WDR3: variants seen among roughly 807,000 people sequenced by gnomAD.
The protein encoded by WDR3 is WD repeat domain 3.
In WDR3, 81 loss-of-function variants were observed where a neutral mutation model predicts 123.7. That is an observed-to-expected ratio of 0.65 (90% CI 0.55 to 0.79). The LOEUF (loss-of-function observed/expected upper bound fraction) is 0.79, where lower values mean the gene tolerates loss of function less well. Ranked by LOEUF, WDR3 falls within the 30% of genes least tolerant of loss-of-function variation. The probability of loss-of-function intolerance (pLI) is 0.00; values close to 1 mark genes in which losing one functional copy is unlikely to be tolerated. For synonymous variants in WDR3, 390 were observed against 388.8 expected, an observed-to-expected ratio of 1.00 and a Z score of -0.04; for missense variants, 1,027 against 1,123.2, an observed-to-expected ratio of 0.91 and a Z score of 1.22.
chr1:117,959,268 A>T (rs1335939927), intron 26 of WDR3, 24 bp from the exon 27 acceptor site: 3 of 1,594,526 alleles, frequency 1.9e-6, no homozygotes, highest in Non-Finnish European at 2.6e-6. Flanking sequence ...AAAATTTTTT[A>T]ATATTTCTTG....
intron 22 of WDR3, 38 bp from the exon 23 acceptor site, chr1:117,954,542 A>G (rs773397621): frequency 6.2e-7 from 1 of 1,600,962 alleles, no homozygotes; most frequent in Non-Finnish European, 8.5e-7. Context: ...CCTAAGTCTC[A>G]GTTTTTTTAA....
intron 1 of WDR3, among the ~76,000 whole-genome samples, chr1:117,932,540 A>C (rs1232456473): frequency 6.6e-6 from 1 of 152,118 alleles, no homozygotes; most frequent in Non-Finnish European, 1.5e-5. Context: ...CCATGAGGTT[A>C]GGGATTTTGC....
chr1:117,936,988 C>A, intron 4 of WDR3, 101 bp downstream of exon 4: 1 of 903,134 alleles, frequency 1.1e-6, no homozygotes, highest in Non-Finnish European at 1.7e-6. Flanking sequence ...CATGCTTATG[C>A]ATTAGTTTTC....
intron 22 of WDR3, among the ~76,000 whole-genome samples, 178 bp downstream of exon 22, chr1:117,954,277 T>A (rs1651837693): frequency 6.6e-6 from 1 of 152,088 alleles, no homozygotes; most frequent in African/African-American, 2.4e-5. Flanking sequence ...TTGGTCTTAA[T>A]GAAAGCGAAG....
At chr1:117,948,569 G>C (rs1180207385) in intron 13 of WDR3, 63 bp downstream of exon 13, 1 of 1,275,786 alleles carries the variant, frequency 7.8e-7, no homozygotes, top group South Asian at 1.6e-5. Context: ...TTTCTCTCAG[G>C]GTTTCTTTAA....
intron 10 of WDR3, 57 bp from the exon 11 acceptor site, chr1:117,943,339 G>T: frequency 6.9e-7 from 1 of 1,449,512 alleles, no homozygotes; most frequent in Admixed American, 2.0e-5. Flanking sequence ...CCTGGAAAAA[G>T]TAAACCTTGT....
chr1:117,934,619 C>T lies in WDR3; in HGVS notation c.318C>T (p.His106=). The stretch of plus-strand genomic sequence containing the variant: ...AAGGAAATGTGACCTTCAATGGTCA[C>T]AAAGCAGCTATCACTACCTTGAAGT... ...SGEGNVTFNG[H]KAAITTLKYD... The change falls in exon 3 of 27, where the codon CAC becomes CAT. Residue 106 remains histidine, a synonymous_variant. Coordinates refer to ENST00000349139, the MANE Select transcript of WDR3 (RefSeq NM_006784.3). 6.2e-7 allele frequency: 1 copy of T among 1,614,032 alleles called. No homozygotes were observed. Among genetic ancestry groups the T allele is most frequent in the Non-Finnish European group, 8.5e-7 (1 of 1,180,002 alleles).
chr1:117,943,449 T>C lies in WDR3; in HGVS notation c.1151T>C (p.Leu384Pro). The change falls in exon 11 of 27, where the codon CTG becomes CCG. Residue 384 changes from leucine to proline, a missense_variant. Leu to Pro is a moderately conservative substitution (Grantham distance 98). Coordinates refer to ENST00000349139, the MANE Select transcript of WDR3 (RefSeq NM_006784.3). The stretch of plus-strand genomic sequence containing the variant: ...GGAGAGTTAAAGGCTGTCTTCCTGC[T>C]GCAGAACAACCTGGTGGAATTGTAT... ...PHGELKAVFLLQNNLVELYSL... is the reference protein window; with the variant it reads ...PHGELKAVFLPQNNLVELYSL... The C allele has an allele frequency of 6.2e-7, 1 of 1,614,194 alleles. No individual in the cohort carries two copies.
intron 24 of WDR3, among the ~76,000 whole-genome samples, 157 bp from the exon 25 acceptor site, chr1:117,956,907 CAAAG>C (rs1259013409): frequency 3.3e-5 from 5 of 152,114 alleles, no homozygotes; most frequent in Admixed American, 1.3e-4. Flanking sequence ...ATACAAAAAA[CAAAG>C]AGAGTCATCT....
chr1:117,939,657 C>A, intron 6 of WDR3, 85 bp downstream of exon 6: 1 of 1,311,814 alleles, frequency 7.6e-7, no homozygotes, highest in Non-Finnish European at 1.1e-6. Context: ...TTATTCAGTA[C>A]TTCACATCAT....
chr1:117,956,865 C>T (rs1652275522), intron 24 of WDR3, among the ~76,000 whole-genome samples: 1 of 151,968 alleles, frequency 6.6e-6, no homozygotes, highest in Non-Finnish European at 1.5e-5. Flanking sequence ...TGCCATTGAC[C>T]AAAATGCATT....
In WDR3 at chr1:117,950,071, C is replaced by G. The variant is rs780777873; in HGVS notation, c.1687C>G (p.Leu563Val). Residue 563 changes from leucine to valine, a missense_variant, in exon 15 of 27, where the codon CTA (leucine) becomes GTA (valine). Transcript: ENST00000349139. Reference protein sequence around the residue: ...LCVSYSPNQKLLAVSLLDCTV... With the variant: ...LCVSYSPNQKVLAVSLLDCTV... Reference sequence around the variant, plus strand: ...TGTCAGTTACTCTCCCAATCAAAAGCTATTGGCTGTGTCTTTGCTGGACTG... The same window carrying G: ...TGTCAGTTACTCTCCCAATCAAAAGGTATTGGCTGTGTCTTTGCTGGACTG... The G allele has an allele frequency of 1.9e-6, 3 of 1,613,794 alleles. No homozygotes were observed. The highest frequency in any genetic ancestry group is 2.5e-6 in the Non-Finnish European group (3 of 1,179,898).
Position 117,952,571 on chromosome 1 carries a change from G to C in WDR3, c.2060G>C (p.Gly687Ala), listed in dbSNP as rs1224428076. The C allele has an allele frequency of 6.2e-6, 10 of 1,613,424 alleles. No homozygotes were observed. Among genetic ancestry groups the C allele is most frequent in the Non-Finnish European group, 8.5e-6 (10 of 1,179,658 alleles). ...EIWCLAVSPS[G>A]DYVVSSSHDK... The stretch of plus-strand genomic sequence containing the variant: ...TGGTGTTTGGCTGTAAGCCCCAGTG[G>C]AGACTATGTTGTATCATCGTCCCAT... Residue 687 changes from glycine (G) to alanine (A), a missense_variant, in exon 19 of 27, where the codon GGA (glycine) becomes GCA (alanine). Physicochemically the swap from Gly to Ala is moderately conservative, Grantham distance 60. Coordinates refer to ENST00000349139, the MANE Select transcript of WDR3 (RefSeq NM_006784.3).
At chr1:117,943,241 C>T (rs562935040) in intron 10 of WDR3, among the ~76,000 whole-genome samples, 155 bp from the exon 11 acceptor site, 29 of 152,322 alleles carry the variant, frequency 1.9e-4, no homozygotes, top group Non-Finnish European at 4.0e-4. Flanking sequence ...GCGTGAGCCA[C>T]TGCACCCAGC....
At chr1:117,939,933 G>T (rs564718411) in intron 6 of WDR3, among the ~76,000 whole-genome samples, 20 of 152,258 alleles carry the variant, frequency 1.3e-4, no homozygotes, top group African/African-American at 4.6e-4. Flanking sequence ...ATTCTGAAAA[G>T]ATCTATAACT....
Position 117,952,596 on chromosome 1 carries a change from T to C in WDR3, c.2085T>C (p.His695=), listed in dbSNP as rs746913750. The C allele has an allele frequency of 1.2e-6, 2 of 1,613,676 alleles. No homozygotes were observed. The highest frequency in any genetic ancestry group is 3.3e-5 in the Admixed American group (2 of 60,006). ...PSGDYVVSSS[H]DKSLRLWERT... The stretch of plus-strand genomic sequence containing the variant: ...GAGACTATGTTGTATCATCGTCCCA[T>C]GACAAATCTCTGAGACTTTGGGAGA... Residue 695 remains histidine, a synonymous_variant, in exon 19 of 27, where the codon CAT becomes CAC. Coordinates refer to ENST00000349139, the MANE Select transcript of WDR3 (RefSeq NM_006784.3).
At chr1:117,953,062 A>C in intron 20 of WDR3, 66 bp downstream of exon 20, 1 of 1,537,514 alleles carries the variant, frequency 6.5e-7, no homozygotes, top group Non-Finnish European at 8.9e-7. Flanking sequence ...AATTGACTAT[A>C]ATGTCCAGAA....
Position 117,958,941 on chromosome 1 carries a change from A to T in WDR3, c.2614A>T (p.Met872Leu), listed in dbSNP as rs748019710. 1 of 1,613,924 alleles carries T rather than the reference A, an allele frequency of 6.2e-7. No homozygotes were observed. Among genetic ancestry groups the T allele is most frequent in the East Asian group, 2.2e-5 (1 of 44,874 alleles). Residue 872 changes from methionine (M) to leucine (L), a missense_variant, in exon 26 of 27, where the codon ATG (methionine) becomes TTG (leucine). Physicochemically the swap from Met to Leu is conservative, Grantham distance 15. Transcript: ENST00000349139. ...IHFGQITSNQ[M>L]LVPVIEKLRE... ...CTTTGGACAGATCACTAGCAATCAA[A>T]TGCTTGTGCCAGTGATAGAAAAATT...
At chr1:117,954,174 T>C in intron 22 of WDR3, 75 bp downstream of exon 22, 2 of 1,271,528 alleles carry the variant, frequency 1.6e-6, no homozygotes, top group Admixed American at 2.0e-5. Context: ...TTTTGGGATT[T>C]ATTAACTAAG....
Sources: gnomAD v4.1 joint callset for allele counts (sites outside exome capture counted in the v4.1 genomes callset) on GRCh38, gnomAD v4.1.1 for gene constraint, MANE v1.5 for transcripts, NCBI Gene and HGNC (gene_info 2026-07-23, HGNC 2026-07-21) for gene names.